The following MYT1L variants were observed in gnomAD, a reference collection of about 807,000 sequenced individuals.
MYT1L encodes myelin transcription factor 1 like.
A neutral mutation model predicts 126.7 loss-of-function variants in MYT1L; 12 were observed. The observed-to-expected ratio is 0.09, with a 90% CI of 0.06 to 0.15. The LOEUF is 0.15. MYT1L is among the 10% of genes least tolerant of loss of function. MYT1L has a pLI of 1.00. For synonymous variants in MYT1L, 541 were observed against 604.2 expected (o/e 0.90, Z 1.53); for missense variants, 979 against 1,585.2 (o/e 0.62, Z 6.49).
At chr2:2,187,542 G>T (rs1305714429) in intron 2 of MYT1L, among the ~76,000 whole-genome samples, 1 of 151,664 alleles carries the variant, frequency 6.6e-6, no homozygotes, top group East Asian at 2.0e-4. Flanking sequence ...CCTCGCCCCC[G>T]TGGAAAGGAA....
chr2:1,875,252 A>C (rs571639971), intron 18 of MYT1L, among the ~76,000 whole-genome samples: 189 of 152,148 alleles, frequency 1.2e-3, no homozygotes, highest in Non-Finnish European at 2.4e-3. Flanking sequence ...TGAGGCGGGA[A>C]ACTGGACCTT....
intron 9 of MYT1L, among the ~76,000 whole-genome samples, chr2:1,940,535 A>T (rs1224623150): frequency 6.8e-6 from 1 of 147,656 alleles, no homozygotes; most frequent in African/African-American, 2.5e-5. Context: ...TTATCTCTCA[A>T]CATCTCCCTG....
At chr2:1,921,239 A>G (rs2053537683) in intron 10 of MYT1L, among the ~76,000 whole-genome samples, 1 of 152,234 alleles carries the variant, frequency 6.6e-6, no homozygotes, top group African/African-American at 2.4e-5. Context: ...GAGGGATTTA[A>G]TGAACTGCCA....
intron 14 of MYT1L, among the ~76,000 whole-genome samples, chr2:1,892,614 G>A (rs2049056810): frequency 6.7e-6 from 1 of 149,966 alleles, no homozygotes; most frequent in East Asian, 2.0e-4. Flanking sequence ...ACAGACACAC[G>A]GCTGGCTAGC....
intron 2 of MYT1L, among the ~76,000 whole-genome samples, chr2:2,234,092 A>G (rs1266582251): frequency 6.6e-6 from 1 of 152,252 alleles, no homozygotes; most frequent in African/African-American, 2.4e-5. Context: ...CACATTTATC[A>G]GGTCAAGAAG....
At chr2:2,138,893 G>A (rs1333944915) in intron 3 of MYT1L, among the ~76,000 whole-genome samples, 9 of 151,468 alleles carry the variant, frequency 5.9e-5, no homozygotes, top group Non-Finnish European at 1.2e-4. Context: ...AGCCTGGTGT[G>A]GTTTCCCGCC....
chr2:1,886,688 T>C (rs1045416542), intron 17 of MYT1L, 81 bp from the exon 18 acceptor site: 3 of 951,418 alleles, frequency 3.2e-6, no homozygotes, highest in Admixed American at 3.1e-5. Context: ...AAAACCGAAA[T>C]TAAAGAGTTT....
chr2:2,122,872 TGAGA>T lies in MYT1L; in HGVS notation c.-304+49996_-304+49999del, dbSNP rs57060194. Among the ~76,000 whole-genome samples the T allele has an allele frequency of 8.8e-4, 117 of 133,068 alleles. 2 individuals carry two copies. The highest frequency in any genetic ancestry group is 3.0e-3 in the African/African-American group (100 of 33,796). 87.3% of individuals were successfully genotyped at this position (133,068 alleles called of 152,430 possible). A position where few individuals can be genotyped will look rare whatever the true frequency, so the allele number is the denominator to read the frequency against. On this transcript the variant is annotated intron_variant, in intron 3 of 24. Transcript: ENST00000647738. ...GTGTGTGTGTGTGTGTGTGTGTGTG[TGAGA>T]GAGAGAGAGAGAGAGACCAATGAGT...
At chr2:2,068,501 A>G (rs1002938551) in intron 3 of MYT1L, among the ~76,000 whole-genome samples, 1 of 152,184 alleles carries the variant, frequency 6.6e-6, no homozygotes, top group Non-Finnish European at 1.5e-5. Flanking sequence ...TTCCCTGCAC[A>G]TTCCATATTA....
At chr2:2,187,113 G>A (rs1167827868) in intron 2 of MYT1L, among the ~76,000 whole-genome samples, 2 of 152,286 alleles carry the variant, frequency 1.3e-5, no homozygotes, top group East Asian at 3.9e-4. Context: ...CAGGCACAGT[G>A]AGTGACAGAC....
chr2:2,090,740 A>G (rs988032984), intron 3 of MYT1L, among the ~76,000 whole-genome samples: 1 of 152,260 alleles, frequency 6.6e-6, no homozygotes, highest in African/African-American at 2.4e-5. Flanking sequence ...GTCTTTAAAC[A>G]TTGGAGTCCA....
chr2:2,164,219 G>A (rs750815170), intron 3 of MYT1L, among the ~76,000 whole-genome samples: 6 of 151,894 alleles, frequency 4.0e-5, no homozygotes, highest in African/African-American at 4.8e-5. Context: ...TTTTCATTGT[G>A]TTTTTTTCTT....
intron 3 of MYT1L, among the ~76,000 whole-genome samples, chr2:2,117,481 G>A (rs117971747): frequency 6.6e-6 from 1 of 152,186 alleles, no homozygotes; most frequent in East Asian, 1.9e-4. Flanking sequence ...TAGGGTCTAT[G>A]ATGGAAGACG....
intron 1 of MYT1L, among the ~76,000 whole-genome samples, chr2:2,294,686 C>T (rs80001248): frequency 0.025 from 3,781 of 152,270 alleles, 90 homozygotes; most frequent in South Asian, 0.11. Context: ...CTGAGGGTAT[C>T]TAAGTCACAT....
intron 3 of MYT1L, among the ~76,000 whole-genome samples, chr2:2,102,604 A>G (rs918269960): frequency 3.8e-4 from 55 of 143,124 alleles, no homozygotes; most frequent in African/African-American, 1.1e-3. Flanking sequence ...CCTCTTGGGA[A>G]TGTGTGTGTG....
chr2:2,007,311 A>G (rs2063425675), intron 4 of MYT1L, among the ~76,000 whole-genome samples: 2 of 151,732 alleles, frequency 1.3e-5, no homozygotes, highest in South Asian at 2.1e-4. Context: ...TTTGTCCACA[A>G]CCTCACCAAC....
chr2:2,319,322 C>T (rs981228028), intron 1 of MYT1L: 9 of 152,126 alleles, frequency 5.9e-5, no homozygotes, highest in Non-Finnish European at 1.0e-4. Context: ...AGAACAGACC[C>T]CTGACAGTTA....
intron 21 of MYT1L, among the ~76,000 whole-genome samples, chr2:1,813,810 G>A (rs1434979512): frequency 6.9e-6 from 1 of 145,242 alleles, no homozygotes; most frequent in Non-Finnish European, 1.5e-5. Context: ...GGCGGATCAC[G>A]CGGTCAGGAG....
chr2:2,276,278 C>T (rs965581386), intron 2 of MYT1L, among the ~76,000 whole-genome samples: 3 of 152,122 alleles, frequency 2.0e-5, no homozygotes, highest in Non-Finnish European at 4.4e-5. Flanking sequence ...TTTCTCAGGG[C>T]CTGCCCCCTA....
Sources: allele counts gnomAD v4.1 joint callset (sites outside exome capture counted in the v4.1 genomes callset), GRCh38; gene constraint gnomAD v4.1.1; transcripts MANE v1.5; gene names NCBI Gene and HGNC (gene_info 2026-07-23, HGNC 2026-07-21).